Variants in DPYD observed in about 807,000 individuals in gnomAD.
DPYD encodes dihydropyrimidine dehydrogenase.
DPYD carries 109 observed loss-of-function variants against 116.2 expected under a neutral mutation model. The ratio of observed to expected loss-of-function variants is 0.94; its 90% CI spans 0.80 to 1.10. The LOEUF (loss-of-function observed/expected upper bound fraction) is 1.10, where lower values mean the gene tolerates loss of function less well. Ranked by LOEUF, DPYD falls within the 50% of genes least tolerant of loss-of-function variation. The pLI is 0.00. For missense variants in DPYD, 1,302 were observed against 1,254.5 expected, an observed-to-expected ratio of 1.04 and a Z score of -0.57; for synonymous variants, 440 against 432.0, an observed-to-expected ratio of 1.02 and a Z score of -0.23.
chr1:97,299,295 G>A (rs1221400301), intron 18 of DPYD, among the ~76,000 whole-genome samples: 2 of 152,090 alleles, frequency 1.3e-5, no homozygotes, highest in Non-Finnish European at 2.9e-5. Flanking sequence ...AACACACACA[G>A]AGGAAAGAAA....
At chr1:97,310,232 A>C (rs2101054209) in intron 16 of DPYD, among the ~76,000 whole-genome samples, 1 of 151,912 alleles carries the variant, frequency 6.6e-6, no homozygotes, top group South Asian at 2.1e-4. Context: ...TTCATATGAC[A>C]TGCCAAGAGG....
intron 4 of DPYD, among the ~76,000 whole-genome samples, chr1:97,732,319 CA>C (rs1406223934): frequency 6.6e-6 from 1 of 151,580 alleles, no homozygotes; most frequent in Non-Finnish European, 1.5e-5. Context: ...TACTAAAATA[CA>C]AAAAATTAGC....
intron 8 of DPYD, among the ~76,000 whole-genome samples, chr1:97,635,245 C>G (rs766392108): frequency 4.6e-5 from 7 of 152,068 alleles, no homozygotes; most frequent in Non-Finnish European, 8.8e-5. Context: ...CACCTCAAGC[C>G]CGCACCTTCC....
At chr1:97,208,314 C>T in intron 19 of DPYD, among the ~76,000 whole-genome samples, 1 of 139,462 alleles carries the variant, frequency 7.2e-6, no homozygotes. Flanking sequence ...TTGACAGGGT[C>T]TCACTCTGTT....
At chr1:97,374,169 G>C (rs990152193) in intron 15 of DPYD, among the ~76,000 whole-genome samples, 11 of 152,120 alleles carry the variant, frequency 7.2e-5, no homozygotes, top group Admixed American at 2.6e-4. Flanking sequence ...TAAGCAAAAT[G>C]TAAAATGTTT....
intron 13 of DPYD, among the ~76,000 whole-genome samples, chr1:97,494,751 A>AACACACACACACAC (rs10657499): frequency 6.8e-6 from 1 of 146,636 alleles, no homozygotes; most frequent in African/African-American, 2.5e-5. Context: ...CAAAAAAGAA[A>AACACACACACACAC]ACACACACAC....
At chr1:97,836,425 A>G (rs569690408) in intron 2 of DPYD, among the ~76,000 whole-genome samples, 134 of 152,300 alleles carry the variant, frequency 8.8e-4, no homozygotes, top group Non-Finnish European at 1.0e-4. Context: ...AGAAAAGTCT[A>G]TTTAGATGGT....
At chr1:97,854,797 G>A (rs1670737859) in intron 2 of DPYD, among the ~76,000 whole-genome samples, 1 of 152,168 alleles carries the variant, frequency 6.6e-6, no homozygotes. Context: ...AGGGTACAGG[G>A]TCAGGAGATT....
intron 18 of DPYD, among the ~76,000 whole-genome samples, chr1:97,272,551 T>C (rs975863431): frequency 1.3e-5 from 2 of 152,162 alleles, no homozygotes; most frequent in Admixed American, 1.3e-4. Flanking sequence ...CTTGAGTTAT[T>C]TTTAATCTCT....
At chr1:97,629,479 G>A (rs1240192973) in intron 8 of DPYD, among the ~76,000 whole-genome samples, 5 of 152,006 alleles carry the variant, frequency 3.3e-5, no homozygotes, top group Non-Finnish European at 5.9e-5. Context: ...TTTGAAGGCT[G>A]CTCACAGAGG....
At chr1:97,362,869 A>T (rs529563522) in intron 16 of DPYD, among the ~76,000 whole-genome samples, 1 of 152,328 alleles carries the variant, frequency 6.6e-6, no homozygotes, top group South Asian at 2.1e-4. Context: ...AACCTAGGCA[A>T]TACCAATCAG....
chr1:97,173,221 C>T (rs12039808), intron 20 of DPYD, among the ~76,000 whole-genome samples: 108 of 123,736 alleles, frequency 8.7e-4, no homozygotes, highest in Admixed American at 2.0e-3. Flanking sequence ...TACACATATA[C>T]GTACATATAT....
chr1:97,295,359 C>CA (rs60086604), intron 18 of DPYD: 6 of 152,188 alleles, frequency 3.9e-5, no homozygotes, highest in Admixed American at 2.0e-4. Context: ...TCTAGCAATA[C>CA]AAGTCTGTCA....
intron 3 of DPYD, among the ~76,000 whole-genome samples, chr1:97,810,852 A>C (rs1239483339): frequency 3.3e-5 from 5 of 152,158 alleles, no homozygotes; most frequent in African/African-American, 4.8e-5. Context: ...GTATTTAGTA[A>C]TACGAAATAC....
chr1:97,348,247 T>G (rs1669958471), intron 16 of DPYD, among the ~76,000 whole-genome samples: 1 of 152,184 alleles, frequency 6.6e-6, no homozygotes, highest in Non-Finnish European at 1.5e-5. Context: ...TACAGTTCTT[T>G]CCTTTTGTTT....
intron 13 of DPYD, among the ~76,000 whole-genome samples, chr1:97,468,240 T>C (rs1012870127): frequency 1.3e-5 from 2 of 152,250 alleles, no homozygotes; most frequent in African/African-American, 4.8e-5. Context: ...TATTTTCAAA[T>C]GTAACAAATC....
At chr1:97,107,717 C>T (rs1651275552) in intron 20 of DPYD, among the ~76,000 whole-genome samples, 1 of 152,066 alleles carries the variant, frequency 6.6e-6, no homozygotes, top group Non-Finnish European at 1.5e-5. Context: ...GACTAAGTAA[C>T]TTGCTACAAT....
chr1:97,196,064 G>C, intron 19 of DPYD, among the ~76,000 whole-genome samples: 1 of 151,840 alleles, frequency 6.6e-6, no homozygotes, highest in South Asian at 2.1e-4. Context: ...AGGAAGAGGC[G>C]AGCTGGGGTT....
chr1:97,503,843 T>A (rs950855575), intron 13 of DPYD, among the ~76,000 whole-genome samples: 2 of 152,078 alleles, frequency 1.3e-5, no homozygotes, highest in African/African-American at 4.8e-5. Context: ...TAAGGGTTTT[T>A]AAATAATGCA....
Sources: gnomAD v4.1 joint callset for allele counts (sites outside exome capture counted in the v4.1 genomes callset) on GRCh38, gnomAD v4.1.1 for gene constraint, MANE v1.5 for transcripts, NCBI Gene and HGNC (gene_info 2026-07-23, HGNC 2026-07-21) for gene names.